RAVER1: variants seen among roughly 807,000 people sequenced by gnomAD.
RAVER1 encodes the protein ribonucleoprotein PTB-binding 1.
Under a neutral mutation model 68.4 loss-of-function variants are expected in RAVER1, and 36 were observed. The observed-to-expected ratio is 0.53, with a 90% CI of 0.40 to 0.70. The LOEUF (loss-of-function observed/expected upper bound fraction) is 0.70. Ranked by LOEUF, RAVER1 falls within the 30% of genes least tolerant of loss-of-function variation. The probability of loss-of-function intolerance (pLI) is 0.00; values close to 1 mark genes in which losing one functional copy is unlikely to be tolerated. For synonymous variants in RAVER1, 469 were observed against 472.7 expected (o/e 0.99, Z 0.10); for missense variants, 933 against 1,019.8 (o/e 0.91, Z 1.16).
In RAVER1 at chr19:10,320,750, A is replaced by G; in HGVS notation, c.1675T>C (p.Phe559Leu). Reference protein sequence around the residue: ...PGGGSSSSKAFQLKSRLLSPL... With the variant: ...PGGGSSSSKALQLKSRLLSPL... The stretch of plus-strand genomic sequence containing the variant: ...CTGAGCAGGCGGGACTTGAGCTGGA[A>G]GGCTTTGCTGCTGCTGCTGCCACCT... The change falls in exon 9 of 13, where the codon TTC (phenylalanine) becomes CTC (leucine). Residue 559 changes from phenylalanine (F) to leucine (L), a missense_variant. Physicochemically the swap from Phe to Leu is conservative, Grantham distance 22. Around this residue, in one of 3 missense-constraint regions of RAVER1, gnomAD observed 699 missense variants for 731.1 expected, o/e 0.96. Transcript: ENST00000617231. The G allele has an allele frequency of 6.8e-7, 1 of 1,474,078 alleles. No individual in the cohort carries two copies. The allele number at this position is 1,474,078 out of a possible 1,614,324, so 91.3% of individuals were successfully genotyped here. A position where few individuals can be genotyped will look rare whatever the true frequency, so the allele number is the denominator to read the frequency against.
At position 10,317,171 on chromosome 19, in the gene RAVER1, C is replaced by T. The variant is rs1471981329; in HGVS notation, c.*283G>A. 8.3e-6 allele frequency: 4 copies of T among 482,938 alleles called. No homozygotes were observed. The highest frequency in any genetic ancestry group is 4.4e-5 in the South Asian group (2 of 45,766). 29.9% of individuals were successfully genotyped at this position (482,938 alleles called of 1,614,324 possible). A position where few individuals can be genotyped will look rare whatever the true frequency, so the allele number is the denominator to read the frequency against. ...GAGGGCTCCGGAGAGACGGGCACAG[C>T]GGAGGAGGAGATGGGGGGAGGGAGG... On this transcript the variant is annotated 3_prime_UTR_variant, in exon 13 of 13. Coordinates refer to ENST00000617231, the MANE Select transcript of RAVER1 (RefSeq NM_133452.3). This position sits in a 1 kb window ranked among gnomAD's most constrained non-coding sequence, Gnocchi z 4.3.
intron 3 of RAVER1, among the ~76,000 whole-genome samples, chr19:10,324,154 C>CAA (rs60714347): frequency 3.1e-5 from 3 of 95,268 alleles, no homozygotes; most frequent in African/African-American, 4.1e-5. Flanking sequence ...AACTCCATCT[C>CAA]AAAAAAAAAA....
At chr19:10,327,787 T>A (rs1257993179) in intron 3 of RAVER1, among the ~76,000 whole-genome samples, 1 of 151,996 alleles carries the variant, frequency 6.6e-6, no homozygotes, top group African/African-American at 2.4e-5. Flanking sequence ...CCACAGCGAG[T>A]GCTGGGGGAA....
chr19:10,322,590 T>C lies in RAVER1; in HGVS notation c.1173+55A>G. The C allele has an allele frequency of 1.6e-6, 2 of 1,274,660 alleles. No individual in the cohort carries two copies. The highest frequency in any genetic ancestry group is 2.9e-5 in the East Asian group (1 of 34,288). The allele number at this position is 1,274,660 out of a possible 1,614,324, so 79.0% of individuals were successfully genotyped here. ...ACCCCACCGATCGCACCAGCTGTGTTGAAAAGAGCCTGTAGGGGCTGTAGA... is the reference window on the plus strand; with the variant it reads ...ACCCCACCGATCGCACCAGCTGTGTCGAAAAGAGCCTGTAGGGGCTGTAGA... On this transcript the variant is annotated intron_variant, in intron 6 of 12. Coordinates refer to ENST00000617231, the MANE Select transcript of RAVER1 (RefSeq NM_133452.3). This position sits in a 1 kb window ranked among gnomAD's most constrained non-coding sequence, Gnocchi z 4.3.
Position 10,317,051 on chromosome 19 carries a change from T to C in RAVER1, c.*403A>G. The C allele has an allele frequency of 4.6e-6, 1 of 215,962 alleles. No individual in the cohort carries two copies. Among genetic ancestry groups the C allele is most frequent in the Non-Finnish European group, 9.0e-6 (1 of 111,082 alleles). The allele number at this position is 215,962 out of a possible 1,614,324, so 13.4% of individuals were successfully genotyped here. ...AGGAAACAGAAGTCAGTTGTCAAAG[T>C]TAAAAAAAAAGGAGACAGTCTCTGT... On this transcript the variant is annotated 3_prime_UTR_variant, in exon 13 of 13. Transcript: ENST00000617231. The surrounding 1 kb of genome is among the most constrained non-coding windows in gnomAD (Gnocchi z 4.3).
At chr19:10,327,500 G>A (rs1568312842) in intron 3 of RAVER1, among the ~76,000 whole-genome samples, 1 of 152,074 alleles carries the variant, frequency 6.6e-6, no homozygotes, top group Non-Finnish European at 1.5e-5. Flanking sequence ...GGATCCGCCC[G>A]CCTCAGCCTC....
intron 9 of RAVER1, among the ~76,000 whole-genome samples, chr19:10,319,529 C>T (rs1195809151): frequency 6.6e-6 from 1 of 152,058 alleles, no homozygotes; most frequent in Admixed American, 6.5e-5. Context: ...TTGTTTGAAA[C>T]ACAGAGGGGG....
At chr19:10,330,562 G>C in intron 1 of RAVER1, 36 bp from the exon 2 acceptor site, 1 of 1,059,622 alleles carries the variant, frequency 9.4e-7, no homozygotes, top group Non-Finnish European at 1.4e-6. Context: ...GGGAGTTACT[G>C]GAGATGGAAG....
At position 10,323,260 on chromosome 19, in the gene RAVER1, C is replaced by T. The variant is rs2145073490; in HGVS notation, c.963G>A (p.Gly321=). Residue 321 remains glycine (G), a synonymous_variant, in exon 5 of 13, where the codon GGG becomes GGA. Coordinates refer to ENST00000617231, the MANE Select transcript of RAVER1 (RefSeq NM_133452.3). This position sits in a 1 kb window ranked among gnomAD's most constrained non-coding sequence, Gnocchi z 6.2. ...TGTTGGGCTCGGGGAGGAGTCCCTT[C>T]CCCCGATTGAGGGCCTGCAGGAAGG... ...IAAQATALNR[G]KGLLPEPNIL... 1 of 1,613,400 alleles carries T rather than the reference C, an allele frequency of 6.2e-7. No individual in the cohort carries two copies. Among genetic ancestry groups the T allele is most frequent in the Non-Finnish European group, 8.5e-7 (1 of 1,179,624 alleles).
chr19:10,326,745 C>T (rs1381471844), intron 3 of RAVER1, among the ~76,000 whole-genome samples: 3 of 147,548 alleles, frequency 2.0e-5, no homozygotes, highest in Non-Finnish European at 4.5e-5. Flanking sequence ...TGAGCCACTG[C>T]GCCTGGCCTG....
chr19:10,321,292 G>T, intron 7 of RAVER1, 33 bp from the exon 8 acceptor site: 2 of 1,117,530 alleles, frequency 1.8e-6, no homozygotes, highest in South Asian at 3.4e-5. Context: ...AGGGGCCCAG[G>T]CTCACAGGAC....
In RAVER1 at chr19:10,329,038, C is replaced by A. The variant is rs1437310472; in HGVS notation, c.360G>T (p.Glu120Asp). The A allele has an allele frequency of 6.5e-7, 1 of 1,542,676 alleles. No individual in the cohort carries two copies. The highest frequency in any genetic ancestry group is 8.8e-7 in the Non-Finnish European group (1 of 1,142,540). Residue 120 changes from glutamate (E) to aspartate (D), a missense_variant, in exon 3 of 13, where the codon GAG (glutamate) becomes GAT (aspartate). Physicochemically the swap from Glu to Asp is conservative, Grantham distance 45. This residue lies in a region of RAVER1 where 211 missense variants were observed against 230.0 expected (regional missense o/e 0.92). Coordinates refer to ENST00000617231, the MANE Select transcript of RAVER1 (RefSeq NM_133452.3). The surrounding 1 kb of genome is among the most constrained non-coding windows in gnomAD (Gnocchi z 4.6). ...INAFHQSRLR[E>D]RELSVQLQPT... ...GCTGCAGCTGCACCGACAGTTCACG[C>A]TCCCGCAGGCGGCTCTGGTGGAAAG...
In RAVER1 at chr19:10,316,453, A is replaced by G. The variant is rs1391437579; in HGVS notation, c.*1001T>C. The G allele has an allele frequency of 1.0e-6, 1 of 998,212 alleles. No individual in the cohort carries two copies. 61.8% of individuals were successfully genotyped at this position (998,212 alleles called of 1,614,324 possible). A position where few individuals can be genotyped will look rare whatever the true frequency, so the allele number is the denominator to read the frequency against. ...TGCTGGTTTCTGGCACTGGGCTGGA[A>G]GGAGGCCAGCTCCAGGGATCTGGCC... On this transcript the variant is annotated 3_prime_UTR_variant, in exon 13 of 13. Coordinates refer to ENST00000617231, the MANE Select transcript of RAVER1 (RefSeq NM_133452.3).
At chr19:10,321,753 C>A (rs182941975) in intron 6 of RAVER1, 135 bp from the exon 7 acceptor site, 146 of 564,764 alleles carry the variant, frequency 2.6e-4, no homozygotes, top group Non-Finnish European at 1.9e-4. Context: ...CACAGGGTTC[C>A]CCAGTGCCCG....
chr19:10,333,336 G>C lies in RAVER1; in HGVS notation c.172C>G (p.Arg58Gly), dbSNP rs988865882. The change falls in exon 1 of 13, where the codon CGC becomes GGC. Residue 58 changes from arginine (R) to glycine (G), a missense_variant. By Grantham distance (125) the Arg-to-Gly change is moderately radical (BLOSUM62 -2). Coordinates refer to ENST00000617231, the MANE Select transcript of RAVER1 (RefSeq NM_133452.3). This position sits in a 1 kb window ranked among gnomAD's most constrained non-coding sequence, Gnocchi z 4.2. ...AGGCCCCGGATCAGTATCTTGCGGC[G>C]GTTACGGAACTGGCGCTCGGTGTGT... Reference protein sequence around the residue: ...LEHTERQFRNRRKILIRGLPG... With the variant: ...LEHTERQFRNGRKILIRGLPG... 160 of 1,613,540 alleles carry C rather than the reference G, an allele frequency of 9.9e-5. No homozygotes were observed. The highest frequency in any genetic ancestry group is 1.3e-4 in the Non-Finnish European group (156 of 1,179,656).
At chr19:10,327,955 C>T (rs1374612257) in intron 3 of RAVER1, among the ~76,000 whole-genome samples, 1 of 152,190 alleles carries the variant, frequency 6.6e-6, no homozygotes, top group African/African-American at 2.4e-5. Flanking sequence ...GTTTTGCCAA[C>T]CCATTGTGCA....
intron 1 of RAVER1, among the ~76,000 whole-genome samples, chr19:10,332,579 G>A (rs2040530020): frequency 6.6e-6 from 1 of 152,202 alleles, no homozygotes; most frequent in Non-Finnish European, 1.5e-5. Flanking sequence ...CTATTTCACC[G>A]CCATAGGGCA....
At chr19:10,332,171 A>T (rs993079454) in intron 1 of RAVER1, among the ~76,000 whole-genome samples, 4 of 151,960 alleles carry the variant, frequency 2.6e-5, no homozygotes, top group Non-Finnish European at 5.9e-5. Context: ...ATTTTTAAAA[A>T]TTTTTTGTAG....
intron 3 of RAVER1, among the ~76,000 whole-genome samples, chr19:10,324,475 G>A (rs531692736): frequency 6.6e-6 from 1 of 152,236 alleles, no homozygotes; most frequent in South Asian, 2.1e-4. Context: ...CACCTCCTGG[G>A]TTCAAGTGAT....
Sources: gnomAD v4.1 joint callset for allele counts (sites outside exome capture counted in the v4.1 genomes callset) on GRCh38, gnomAD v4.1.1 for gene constraint, gnomAD v4.1.1 regional missense constraint, Gnocchi (gnomAD v3.1) non-coding constraint, MANE v1.5 for transcripts, NCBI Gene and HGNC (gene_info 2026-07-23, HGNC 2026-07-21) for gene names.